PPP1R12A: variants seen among roughly 807,000 people sequenced by gnomAD.
The protein encoded by PPP1R12A is myosin binding subunit.
A neutral mutation model predicts 139.6 loss-of-function variants in PPP1R12A; 19 were observed. That is an observed-to-expected ratio of 0.14 (90% CI 0.09 to 0.20). The LOEUF (loss-of-function observed/expected upper bound fraction) is 0.20, where lower values mean the gene tolerates loss of function less well. PPP1R12A is among the 10% of genes least tolerant of loss of function. The pLI is 1.00. For missense variants in PPP1R12A, 925 were observed against 1,211.5 expected, an observed-to-expected ratio of 0.76 and a Z score of 3.51; for synonymous variants, 427 against 420.6, an observed-to-expected ratio of 1.02 and a Z score of -0.19.
At chr12:79,900,375 A>G (rs1392524908) in intron 1 of PPP1R12A, among the ~76,000 whole-genome samples, 1 of 152,176 alleles carries the variant, frequency 6.6e-6, no homozygotes, top group East Asian at 1.9e-4. Flanking sequence ...AAACTCCACC[A>G]GTGCAGGGAT....
At position 79,888,555 on chromosome 12, in the gene PPP1R12A, C is replaced by A. The variant is rs977876194; in HGVS notation, c.238-15617G>T. Reference sequence around the variant, plus strand: ...GAAATAAAATGCAGTTACATAGAAGCAAGGGGAAAATGGAAAATAGAATTA... The same window carrying A: ...GAAATAAAATGCAGTTACATAGAAGAAAGGGGAAAATGGAAAATAGAATTA... On this transcript the variant is annotated intron_variant, in intron 1 of 24. Transcript: ENST00000450142. Among the ~76,000 whole-genome samples, 71 of 151,862 alleles carry A rather than the reference C, an allele frequency of 4.7e-4. 1 individual carries two copies. The highest frequency in any genetic ancestry group is 1.6e-3 in the African/African-American group (68 of 41,318).
At chr12:79,880,260 A>G (rs1217776045) in intron 1 of PPP1R12A, among the ~76,000 whole-genome samples, 3 of 152,170 alleles carry the variant, frequency 2.0e-5, no homozygotes, top group Admixed American at 2.0e-4. Flanking sequence ...TTTGTGACTA[A>G]GAGGGTCCAT....
At chr12:79,779,607 T>C (rs1870169265) in intron 23 of PPP1R12A, 1 of 330,410 alleles carries the variant, frequency 3.0e-6, no homozygotes, top group Admixed American at 3.8e-5. Flanking sequence ...TACATAGATC[T>C]TTCTTCTACT....
chr12:79,868,823 T>C (rs1882264617), intron 2 of PPP1R12A, among the ~76,000 whole-genome samples: 1 of 151,574 alleles, frequency 6.6e-6, no homozygotes, highest in African/African-American at 2.4e-5. Flanking sequence ...CCCATAATAC[T>C]GATTCAGCAC....
At chr12:79,882,728 T>C (rs1303654252) in intron 1 of PPP1R12A, among the ~76,000 whole-genome samples, 1 of 152,166 alleles carries the variant, frequency 6.6e-6, no homozygotes, top group East Asian at 1.9e-4. Flanking sequence ...GAGAAATCTT[T>C]CATGAGAGGA....
At chr12:79,912,619 AG>A (rs1886666681) in intron 1 of PPP1R12A, among the ~76,000 whole-genome samples, 2 of 152,070 alleles carry the variant, frequency 1.3e-5, no homozygotes, top group East Asian at 3.9e-4. Flanking sequence ...GCTTGAGCTC[AG>A]GAGGTCAAGG....
Position 79,775,140 on chromosome 12 carries a change from A to AGAT in PPP1R12A, c.*786_*788dup, listed in dbSNP as rs1382005852. ...TCAGTACCTGCTAAAATGAATGTGAAGATTACAGAATCTAACATCTTATAC... is the reference window on the plus strand; with the variant it reads ...TCAGTACCTGCTAAAATGAATGTGAAGATGATTACAGAATCTAACATCTTATAC... On this transcript the variant is annotated 3_prime_UTR_variant, in exon 25 of 25. Transcript: ENST00000450142. 1 of 152,574 alleles carries AGAT rather than the reference A, an allele frequency of 6.6e-6. No individual in the cohort carries two copies. The highest frequency in any genetic ancestry group is 2.4e-5 in the African/African-American group (1 of 41,454). 9.5% of individuals were successfully genotyped at this position (152,574 alleles called of 1,614,324 possible). A position where few individuals can be genotyped will look rare whatever the true frequency, so the allele number is the denominator to read the frequency against.
chr12:79,864,563 C>A (rs1881745426), intron 2 of PPP1R12A, among the ~76,000 whole-genome samples: 1 of 151,768 alleles, frequency 6.6e-6, no homozygotes, highest in Admixed American at 6.6e-5. Flanking sequence ...AAAAGATCAA[C>A]AAAATAGATA....
Position 79,784,334 on chromosome 12 carries a change from G to A in PPP1R12A, c.2907+2040C>T, listed in dbSNP as rs1033883056. Among the ~76,000 whole-genome samples, 6 of 152,274 alleles carry A rather than the reference G, an allele frequency of 3.9e-5. No homozygotes were observed. In the East Asian group the frequency reaches 9.7e-4, roughly 25 times the overall value. On this transcript the variant is annotated intron_variant, in intron 22 of 24. Coordinates refer to ENST00000450142, the MANE Select transcript of PPP1R12A (RefSeq NM_002480.3). ...CAGAGTACCTGCCAAGGCAGAAGCT[G>A]GGATATTTTTTAATCCTACTTCTCT... is the stretch of plus-strand genomic sequence containing the variant.
chr12:79,852,403 G>A (rs930320955), intron 2 of PPP1R12A, among the ~76,000 whole-genome samples: 2 of 151,376 alleles, frequency 1.3e-5, no homozygotes, highest in African/African-American at 4.9e-5. Context: ...GCCATGTTGC[G>A]CAGGCTGGTC....
At chr12:79,903,693 T>C (rs1229267603) in intron 1 of PPP1R12A, among the ~76,000 whole-genome samples, 2 of 152,186 alleles carry the variant, frequency 1.3e-5, no homozygotes, top group East Asian at 1.9e-4. Flanking sequence ...ACTGTGTCCA[T>C]GTCTCGCTTT....
At chr12:79,809,387 A>G (rs1270681103) in intron 10 of PPP1R12A, among the ~76,000 whole-genome samples, 1 of 152,164 alleles carries the variant, frequency 6.6e-6, no homozygotes, top group Non-Finnish European at 1.5e-5. Flanking sequence ...AATATGGTAG[A>G]TGAAAAATCT....
At chr12:79,922,873 T>C (rs1213790080) in intron 1 of PPP1R12A, among the ~76,000 whole-genome samples, 1 of 150,934 alleles carries the variant, frequency 6.6e-6, no homozygotes, top group Non-Finnish European at 1.5e-5. Flanking sequence ...AAGTATTTTG[T>C]ATAAACAATC....
intron 3 of PPP1R12A, among the ~76,000 whole-genome samples, chr12:79,843,953 T>C (rs1419069578): frequency 1.3e-5 from 2 of 152,126 alleles, no homozygotes; most frequent in Admixed American, 6.5e-5. Context: ...TCTGCCCGCC[T>C]TGGCCTCCCA....
chr12:79,807,324 A>G lies in PPP1R12A; in HGVS notation c.1557T>C (p.Ser519=). ...ATGAACTACTTGTTCGCAAACTTGA[A>G]GAATCTCTGTTAAAAGAACACCCTT... ...SDIEEKENRD[S]SSLRTSSSYT... is the part of the protein sequence containing the mutation. The change falls in exon 12 of 25, where the codon TCT becomes TCC. Residue 519 remains serine, a synonymous_variant. Coordinates refer to ENST00000450142, the MANE Select transcript of PPP1R12A (RefSeq NM_002480.3). 6.5e-7 allele frequency: 1 copy of G among 1,541,568 alleles called. No homozygotes were observed.
chr12:79,878,485 A>G (rs996916826), intron 1 of PPP1R12A: 5 of 152,162 alleles, frequency 3.3e-5, no homozygotes, highest in Non-Finnish European at 5.9e-5. Context: ...AAAACACACA[A>G]TGTATTTTTT....
In PPP1R12A at chr12:79,878,131, C is replaced by A. The variant is rs975932162; in HGVS notation, c.238-5193G>T. On this transcript the variant is annotated intron_variant, in intron 1 of 24. Coordinates refer to ENST00000450142, the MANE Select transcript of PPP1R12A (RefSeq NM_002480.3). Reference sequence around the variant, plus strand: ...GGGGTGATTTTTAGATAGGGATATACATAAGTGAAATTTCACTTAATTGTA... The same window carrying A: ...GGGGTGATTTTTAGATAGGGATATAAATAAGTGAAATTTCACTTAATTGTA... 5.3e-5 allele frequency among the ~76,000 whole-genome samples: 8 copies of A among 150,520 alleles called. No homozygotes were observed. In the East Asian group the frequency reaches 1.6e-3, roughly 29 times the overall value.
chr12:79,775,898 G>A lies in PPP1R12A; in HGVS notation c.*31C>T. 6.9e-7 allele frequency: 1 copy of A among 1,459,406 alleles called. No individual in the cohort carries two copies. Among genetic ancestry groups the A allele is most frequent in the Non-Finnish European group, 9.3e-7 (1 of 1,073,880 alleles). The allele number at this position is 1,459,406 out of a possible 1,614,324, so 90.4% of individuals were successfully genotyped here. Reference sequence around the variant, plus strand: ...ATGGTCCACTGGGTTACTAATATGTGCAATTCCATTACTTGCTGCTTTTTT... The same window carrying A: ...ATGGTCCACTGGGTTACTAATATGTACAATTCCATTACTTGCTGCTTTTTT... On this transcript the variant is annotated 3_prime_UTR_variant, in exon 25 of 25. Transcript: ENST00000450142.
chr12:79,879,008 T>C lies in PPP1R12A; in HGVS notation c.238-6070A>G, dbSNP rs541147845. 3.9e-5 allele frequency among the ~76,000 whole-genome samples: 6 copies of C among 152,352 alleles called. No individual in the cohort carries two copies. The South Asian group carries it at 1.0e-3, about 26-fold the overall frequency. ...CTTAATTTTTCCTTTATTTTCAAAA[T>C]GTCTACAATGAATAGTGTTTCAAGT... is the stretch of plus-strand genomic sequence containing the variant. On this transcript the variant is annotated intron_variant, in intron 1 of 24. Coordinates refer to ENST00000450142, the MANE Select transcript of PPP1R12A (RefSeq NM_002480.3).
Sources: allele counts gnomAD v4.1 joint callset (sites outside exome capture counted in the v4.1 genomes callset), GRCh38; gene constraint gnomAD v4.1.1; transcripts MANE v1.5; gene names NCBI Gene and HGNC (gene_info 2026-07-23, HGNC 2026-07-21).